The following CORO2B variants were observed in gnomAD, a reference collection of about 807,000 sequenced individuals.
The protein encoded by CORO2B is coronin 2B.
A neutral mutation model predicts 58.8 loss-of-function variants in CORO2B; 26 were observed. The ratio of observed to expected loss-of-function variants is 0.44; its 90% CI spans 0.32 to 0.61. The LOEUF is 0.61. CORO2B is among the 20% of genes least tolerant of loss of function. CORO2B has a pLI of 0.04. For missense variants in CORO2B, 460 were observed against 645.1 expected, an observed-to-expected ratio of 0.71 and a Z score of 3.11; for synonymous variants, 242 against 253.8, an observed-to-expected ratio of 0.95 and a Z score of 0.44.
At chr15:68,580,497 A>G (rs1013787120) in intron 1 of CORO2B, among the ~76,000 whole-genome samples, 8 of 152,042 alleles carry the variant, frequency 5.3e-5, no homozygotes, top group Admixed American at 1.3e-4. Context: ...CTGCCCCAAG[A>G]CTGAATGTTT....
chr15:68,677,166 C>T (rs968457338), intron 2 of CORO2B, among the ~76,000 whole-genome samples: 1 of 152,210 alleles, frequency 6.6e-6, no homozygotes, highest in Non-Finnish European at 1.5e-5. Context: ...AGCCATCTGT[C>T]AGTGCTCCCT....
At chr15:68,700,046 G>C (rs1381064623) in intron 3 of CORO2B, among the ~76,000 whole-genome samples, 2 of 152,148 alleles carry the variant, frequency 1.3e-5, no homozygotes, top group East Asian at 3.9e-4. Context: ...GCTTCCAGGG[G>C]GTGGACAGGA....
chr15:68,582,467 T>C (rs549240659), intron 1 of CORO2B, among the ~76,000 whole-genome samples: 20 of 152,318 alleles, frequency 1.3e-4, no homozygotes, highest in Middle Eastern at 3.4e-3. Flanking sequence ...CAAGGCTGCT[T>C]TCCCTGAGAC....
chr15:68,695,426 C>G (rs1390022468), intron 3 of CORO2B, among the ~76,000 whole-genome samples, 170 bp downstream of exon 3: 1 of 152,164 alleles, frequency 6.6e-6, no homozygotes, highest in African/African-American at 2.4e-5. Context: ...AGGAAAGAAC[C>G]AAGGCAGCAA....
chr15:68,723,853 T>C (rs1351515040), intron 11 of CORO2B, among the ~76,000 whole-genome samples: 2 of 152,114 alleles, frequency 1.3e-5, no homozygotes, highest in African/African-American at 4.8e-5. Flanking sequence ...GGTGGGAAGA[T>C]CGCTTGAGCC....
In CORO2B at chr15:68,713,959, T is replaced by C; in HGVS notation, c.683T>C (p.Val228Ala). The change falls in exon 6 of 12, where the codon GTG (valine) becomes GCG (alanine). Residue 228 changes from valine (V) to alanine (A), a missense_variant. Physicochemically the swap from Val to Ala is moderately conservative, Grantham distance 64. Around this residue, in one of 2 missense-constraint regions of CORO2B, gnomAD observed 352 missense variants for 543.0 expected, o/e 0.65. Coordinates refer to ENST00000261861, the MANE Select transcript of CORO2B (RefSeq NM_006091.5). ...ANCKNHRVNRVVFLGNMKRLL... is the reference protein window; with the variant it reads ...ANCKNHRVNRAVFLGNMKRLL... The stretch of plus-strand genomic sequence containing the variant: ...TGCAAAAACCACAGAGTGAACCGGG[T>C]GGTGTTCCTGGGGAACATGAAGCGG... The C allele has an allele frequency of 6.2e-7, 1 of 1,613,816 alleles. No homozygotes were observed. The highest frequency in any genetic ancestry group is 8.5e-7 in the Non-Finnish European group (1 of 1,179,936).
At chr15:68,593,934 G>A (rs1020070939) in intron 1 of CORO2B, among the ~76,000 whole-genome samples, 2 of 152,120 alleles carry the variant, frequency 1.3e-5, no homozygotes, top group African/African-American at 4.8e-5. Context: ...ATTTAAGAAG[G>A]GGAAGGGCTC....
intron 2 of CORO2B, among the ~76,000 whole-genome samples, chr15:68,684,819 C>T (rs960522348): frequency 2.0e-5 from 3 of 152,188 alleles, no homozygotes; most frequent in East Asian, 1.9e-4. Flanking sequence ...CCTTCAGGCC[C>T]GGGAGCCTGG....
the CORO2B span, among the ~76,000 whole-genome samples, chr15:68,553,548 C>A: frequency 4.6e-5 from 7 of 152,230 alleles, no homozygotes; most frequent in Admixed American, 6.5e-5. Context: ...GCCCCCATAA[C>A]ACTCATCTTA....
chr15:68,545,612 C>CCGGG, the CORO2B span, among the ~76,000 whole-genome samples: 1 of 53,268 alleles, frequency 1.9e-5, no homozygotes, highest in Non-Finnish European at 3.7e-5. Flanking sequence ...ATGCGGGGGG[C>CCGGG]GGGGGGGGTA....
chr15:68,521,511 C>T, the CORO2B span, among the ~76,000 whole-genome samples: 1 of 152,094 alleles, frequency 6.6e-6, no homozygotes, highest in East Asian at 1.9e-4. Context: ...TCACCCTTTC[C>T]GTTGTTCTTC....
intron 1 of CORO2B, among the ~76,000 whole-genome samples, chr15:68,626,090 G>A (rs558504932): frequency 1.3e-5 from 2 of 152,288 alleles, no homozygotes; most frequent in East Asian, 1.9e-4. Flanking sequence ...TGATTCATAT[G>A]TAAATCTTTC....
chr15:68,551,110 C>T, the CORO2B span, among the ~76,000 whole-genome samples: 4 of 152,214 alleles, frequency 2.6e-5, no homozygotes, highest in East Asian at 5.8e-4. Flanking sequence ...CCTGGGTGAC[C>T]CTGAATGGAG....
chr15:68,574,928 A>C (rs1899251391), upstream of CORO2B, among the ~76,000 whole-genome samples: 2 of 152,180 alleles, frequency 1.3e-5, no homozygotes, highest in African/African-American at 4.8e-5. Flanking sequence ...GCATTGAGGC[A>C]TGAAAGTGTC....
intron 1 of CORO2B, among the ~76,000 whole-genome samples, chr15:68,641,348 C>T (rs1235866230): frequency 6.6e-6 from 1 of 152,162 alleles, no homozygotes; most frequent in Non-Finnish European, 1.5e-5. Flanking sequence ...AGGAGTCACT[C>T]AAGAGACCAC....
At chr15:68,623,365 G>T (rs927701184) in intron 1 of CORO2B, among the ~76,000 whole-genome samples, 1 of 152,164 alleles carries the variant, frequency 6.6e-6, no homozygotes, top group Non-Finnish European at 1.5e-5. Flanking sequence ...GACCCTGGGT[G>T]CTTTGCACCA....
At chr15:68,714,886 T>C (rs1892996602) in intron 7 of CORO2B, among the ~76,000 whole-genome samples, 1 of 152,134 alleles carries the variant, frequency 6.6e-6, no homozygotes, top group South Asian at 2.1e-4. Context: ...GGCTTTTACA[T>C]TGGAATAAAG....
intron 3 of CORO2B, among the ~76,000 whole-genome samples, chr15:68,700,830 T>C (rs8024974): frequency 0.032 from 4,800 of 152,058 alleles, 232 homozygotes; most frequent in African/African-American, 0.11. Context: ...TCTGTCATCT[T>C]AAGGAGAGGG....
intron 3 of CORO2B, among the ~76,000 whole-genome samples, chr15:68,697,875 G>A (rs1489761740): frequency 6.6e-6 from 1 of 152,198 alleles, no homozygotes; most frequent in Non-Finnish European, 1.5e-5. Context: ...GGCAGGTGGA[G>A]GTGCTGCCCA....
Sources: allele counts gnomAD v4.1 joint callset (sites outside exome capture counted in the v4.1 genomes callset), GRCh38; gene constraint gnomAD v4.1.1; regional missense constraint gnomAD v4.1.1; transcripts MANE v1.5; gene names NCBI Gene and HGNC (gene_info 2026-07-23, HGNC 2026-07-21).